TRPM3: variants seen among roughly 807,000 people sequenced by gnomAD.
TRPM3 encodes the protein transient receptor potential cation channel subfamily M member 3.
TRPM3 carries 77 observed loss-of-function variants against 181.2 expected under a neutral mutation model. The ratio of observed to expected loss-of-function variants is 0.42; its 90% CI spans 0.35 to 0.51. The LOEUF (loss-of-function observed/expected upper bound fraction) is 0.51. Among genes scored for constraint, TRPM3 ranks in the 20% least tolerant of loss-of-function variants. The pLI, the probability that TRPM3 is intolerant of heterozygous loss-of-function variation, is 0.01. For missense variants in TRPM3, 1,759 were observed against 2,196.7 expected, an observed-to-expected ratio of 0.80 and a Z score of 3.98; for synonymous variants, 745 against 796.4, an observed-to-expected ratio of 0.94 and a Z score of 1.09.
At chr9:71,087,745 C>A (rs761147213) in intron 1 of TRPM3, among the ~76,000 whole-genome samples, 6 of 152,052 alleles carry the variant, frequency 3.9e-5, no homozygotes, top group Non-Finnish European at 5.9e-5. Flanking sequence ...TAAACATAGG[C>A]TGTTGCATGT....
At chr9:71,164,926 G>C (rs568090989) in intron 1 of TRPM3, among the ~76,000 whole-genome samples, 3 of 152,038 alleles carry the variant, frequency 2.0e-5, no homozygotes, top group African/African-American at 4.8e-5. Flanking sequence ...ATACTCATTG[G>C]GTCCAACAAT....
chr9:70,654,621 G>A (rs1018393100), intron 9 of TRPM3, among the ~76,000 whole-genome samples: 1 of 151,798 alleles, frequency 6.6e-6, no homozygotes, highest in African/African-American at 2.4e-5. Context: ...GAAAAACAGT[G>A]GGAAACAAAT....
chr9:71,057,856 T>C (rs778514779), intron 1 of TRPM3, among the ~76,000 whole-genome samples: 1 of 152,098 alleles, frequency 6.6e-6, no homozygotes, highest in Non-Finnish European at 1.5e-5. Context: ...TTTTTACCTT[T>C]ACATGTTTTA....
At chr9:70,618,827 C>T (rs371308690) in intron 17 of TRPM3, 40 bp downstream of exon 17, 16 of 1,568,190 alleles carry the variant, frequency 1.0e-5, no homozygotes, top group African/African-American at 2.7e-5. Flanking sequence ...ACCCACCCGC[C>T]GGTCCTCATA....
chr9:70,789,574 A>T (rs1251409437), intron 6 of TRPM3, among the ~76,000 whole-genome samples: 2 of 152,188 alleles, frequency 1.3e-5, no homozygotes, highest in Non-Finnish European at 2.9e-5. Context: ...ATTTTCTACC[A>T]TCACCAAAGA....
At chr9:71,255,174 C>T (rs1175612549) in intron 1 of TRPM3, among the ~76,000 whole-genome samples, 1 of 152,158 alleles carries the variant, frequency 6.6e-6, no homozygotes, top group Admixed American at 6.5e-5. Context: ...TTCTGCATTC[C>T]CAGTGCCTCA....
chr9:70,643,494 A>G (rs529129092), intron 9 of TRPM3, among the ~76,000 whole-genome samples: 31 of 152,354 alleles, frequency 2.0e-4, no homozygotes, highest in African/African-American at 7.5e-4. Flanking sequence ...GAAAGCATGA[A>G]ACCAATGAGT....
chr9:71,002,647 G>A (rs997511163), intron 1 of TRPM3, among the ~76,000 whole-genome samples: 2 of 151,970 alleles, frequency 1.3e-5, no homozygotes, highest in Non-Finnish European at 2.9e-5. Flanking sequence ...ATTAACATTT[G>A]ATTAGGATAA....
At chr9:71,122,601 C>T (rs996060580), upstream of TRPM3, among the ~76,000 whole-genome samples, 4 of 152,170 alleles carry the variant, frequency 2.6e-5, no homozygotes, top group African/African-American at 9.7e-5. Flanking sequence ...AGCTCCATGA[C>T]TATTATGCAG....
Position 70,535,867 on chromosome 9 carries a change from A to T in TRPM3, c.*86T>A. On this transcript the variant is annotated 3_prime_UTR_variant, in exon 26 of 26. Transcript: ENST00000677713. ...TTGCTCAGCTAAGAATAAAGCAGGT[A>T]TGATTCAAGGAAAGGGGAAAAACTG... The T allele has an allele frequency of 6.6e-7, 1 of 1,520,446 alleles. No homozygotes were observed. The highest frequency in any genetic ancestry group is 8.8e-7 in the Non-Finnish European group (1 of 1,138,722). The allele number at this position is 1,520,446 out of a possible 1,614,324, so 94.2% of individuals were successfully genotyped here.
At chr9:70,905,785 C>T (rs542754565) in intron 1 of TRPM3, among the ~76,000 whole-genome samples, 148 of 152,168 alleles carry the variant, frequency 9.7e-4, no homozygotes, top group African/African-American at 3.5e-3. Context: ...CTGTGGCACC[C>T]AGGCTGGAGT....
At chr9:70,560,707 C>A (rs1441011386) in intron 22 of TRPM3, among the ~76,000 whole-genome samples, 1 of 152,134 alleles carries the variant, frequency 6.6e-6, no homozygotes, top group Non-Finnish European at 1.5e-5. Context: ...AATCTAGAAA[C>A]AGTTCATTAG....
chr9:71,197,581 C>T (rs1345244956), intron 1 of TRPM3, among the ~76,000 whole-genome samples: 221 of 151,550 alleles, frequency 1.5e-3, no homozygotes, highest in Middle Eastern at 3.4e-3. Flanking sequence ...TGTGAGATGG[C>T]ATCTCATTGT....
chr9:70,758,274 G>A (rs1245756317), intron 8 of TRPM3, among the ~76,000 whole-genome samples: 1 of 151,798 alleles, frequency 6.6e-6, no homozygotes, highest in Non-Finnish European at 1.5e-5. Flanking sequence ...AACTTACAAG[G>A]GATGTGAAGG....
chr9:70,557,620 A>G (rs896560147), intron 22 of TRPM3, among the ~76,000 whole-genome samples: 2 of 152,216 alleles, frequency 1.3e-5, no homozygotes, highest in Non-Finnish European at 1.5e-5. Flanking sequence ...AGCACCAACC[A>G]GTATCTGGAG....
chr9:70,969,188 ACCGCATGTT>A (rs977402705), intron 1 of TRPM3, among the ~76,000 whole-genome samples: 4 of 150,384 alleles, frequency 2.7e-5, no homozygotes, highest in African/African-American at 9.8e-5. Flanking sequence ...AAAACCAAAC[ACCGCATGTT>A]CTCACTCATA....
chr9:71,293,320 T>C (rs2085980204), intron 1 of TRPM3, among the ~76,000 whole-genome samples: 1 of 151,816 alleles, frequency 6.6e-6, no homozygotes, highest in Admixed American at 6.6e-5. Flanking sequence ...AGATAACACA[T>C]AAATGGCTTG....
chr9:71,056,386 G>A (rs766296860), intron 1 of TRPM3, among the ~76,000 whole-genome samples: 2 of 151,932 alleles, frequency 1.3e-5, no homozygotes, highest in Admixed American at 1.3e-4. Context: ...ACACTGCAGA[G>A]ATATGGATAA....
chr9:70,922,043 A>AGC (rs2096662943), intron 1 of TRPM3, among the ~76,000 whole-genome samples: 1 of 152,130 alleles, frequency 6.6e-6, no homozygotes, highest in Admixed American at 6.5e-5. Context: ...TAAGAATCAA[A>AGC]TGTAGAACTT....
Sources: gnomAD v4.1 joint callset for allele counts (sites outside exome capture counted in the v4.1 genomes callset) on GRCh38, gnomAD v4.1.1 for gene constraint, MANE v1.5 for transcripts, NCBI Gene and HGNC (gene_info 2026-07-23, HGNC 2026-07-21) for gene names.